Variants in ATCAY observed in about 807,000 individuals in gnomAD.
ATCAY encodes the protein caytaxin.
In ATCAY, 22 loss-of-function variants were observed where a neutral mutation model predicts 47.7. The ratio of observed to expected loss-of-function variants is 0.46; its 90% CI spans 0.33 to 0.66. ATCAY has a LOEUF of 0.66. Ranked by LOEUF, ATCAY falls within the 30% of genes least tolerant of loss-of-function variation. The pLI, the probability that ATCAY is intolerant of heterozygous loss-of-function variation, is 0.02. For missense variants in ATCAY, 452 were observed against 515.0 expected (o/e 0.88, Z 1.18); for synonymous variants, 216 against 207.6 (o/e 1.04, Z -0.35).
At chr19:3,897,780 C>T (rs2038782329) in intron 2 of ATCAY, among the ~76,000 whole-genome samples, 1 of 151,958 alleles carries the variant, frequency 6.6e-6, no homozygotes, top group African/African-American at 2.4e-5. Flanking sequence ...TGGTGGTGGG[C>T]GCCTATAATC....
chr19:3,891,653 A>G (rs2145226680), intron 2 of ATCAY, among the ~76,000 whole-genome samples: 1 of 151,546 alleles, frequency 6.6e-6, no homozygotes, highest in Non-Finnish European at 1.5e-5. Context: ...AGAGGGCAGC[A>G]TGTGCAAAGG....
intron 1 of ATCAY, among the ~76,000 whole-genome samples, chr19:3,885,440 G>A (rs1013586551): frequency 3.9e-4 from 60 of 152,144 alleles, no homozygotes; most frequent in African/African-American, 1.4e-3. Context: ...TGTAACCCCA[G>A]CTACTTGGGA....
At chr19:3,885,523 C>T (rs1426383025) in intron 1 of ATCAY, among the ~76,000 whole-genome samples, 1 of 150,652 alleles carries the variant, frequency 6.6e-6, no homozygotes, top group Non-Finnish European at 1.5e-5. Flanking sequence ...CATTGCACTA[C>T]AGCCTGGGCA....
In ATCAY at chr19:3,905,496, G is replaced by C. The variant is rs1568448398; in HGVS notation, c.199G>C (p.Glu67Gln). The C allele has an allele frequency of 1.2e-6, 2 of 1,613,984 alleles. No homozygotes were observed. The highest frequency in any genetic ancestry group is 1.7e-5 in the Admixed American group (1 of 59,996). Residue 67 changes from glutamate (E) to glutamine (Q), a missense_variant, in exon 4 of 13, where the codon GAG becomes CAG. Glu to Gln is a conservative substitution (Grantham distance 29, BLOSUM62 2). Transcript: ENST00000450849. ...HRKRKTLVAP[E>Q]INISLDQSEG... ...TAAGAGGAAGACGCTGGTGGCCCCA[G>C]AGATCAACATTTCTCTGGATCAGAG...
chr19:3,887,633 C>T (rs1212876448), intron 2 of ATCAY, among the ~76,000 whole-genome samples: 4 of 150,694 alleles, frequency 2.7e-5, no homozygotes, highest in African/African-American at 7.3e-5. Flanking sequence ...ACTACGGGCA[C>T]CCGCCACCAC....
intron 12 of ATCAY, among the ~76,000 whole-genome samples, chr19:3,922,530 A>G (rs962169075): frequency 6.6e-6 from 1 of 152,160 alleles, no homozygotes; most frequent in Non-Finnish European, 1.5e-5. Context: ...AAGTGGGGTT[A>G]TGGGAACTAC....
At chr19:3,898,138 A>G (rs905618554) in intron 2 of ATCAY, among the ~76,000 whole-genome samples, 1 of 152,002 alleles carries the variant, frequency 6.6e-6, no homozygotes, top group Non-Finnish European at 1.5e-5. Context: ...GTGACCACAC[A>G]TCTACTTCCT....
rs764628915 is a variant in ATCAY, at chr19:3,913,752, C to A, written c.867-6C>A. On this transcript the variant is annotated splice_polypyrimidine_tract_variant and splice_region_variant and intron_variant, in intron 8 of 12. Transcript: ENST00000450849. Reference sequence around the variant, plus strand: ...TCAGACCTCTCCCTCCTTCTCCCCCCGCCAGCGTCAAGTTCATCAACAAGA... The same window carrying A: ...TCAGACCTCTCCCTCCTTCTCCCCCAGCCAGCGTCAAGTTCATCAACAAGA... The A allele has an allele frequency of 6.2e-7, 1 of 1,613,202 alleles. No individual in the cohort carries two copies. The highest frequency in any genetic ancestry group is 8.5e-7 in the Non-Finnish European group (1 of 1,179,476).
Position 3,885,913 on chromosome 19 carries a change from C to T in ATCAY, c.77+69C>T, listed in dbSNP as rs1342894106. 13 of 1,486,350 alleles carry T rather than the reference C, an allele frequency of 8.7e-6. No homozygotes were observed. The East Asian group carries it at 9.9e-5, about 11-fold the overall frequency. 92.1% of individuals were successfully genotyped at this position (1,486,350 alleles called of 1,614,324 possible). ...GTCTCTCCCAGGTGGGACACAGGAG[C>T]GGCCCGGGTCTCTCTCTAAGTGGGA... On this transcript the variant is annotated intron_variant, in intron 2 of 12. Coordinates refer to ENST00000450849, the MANE Select transcript of ATCAY (RefSeq NM_033064.5).
intron 9 of ATCAY, among the ~76,000 whole-genome samples, chr19:3,916,619 G>A (rs890753766): frequency 5.3e-5 from 8 of 151,872 alleles, no homozygotes; most frequent in Admixed American, 2.6e-4. Context: ...TCAGCCTCCC[G>A]AGTAGCTGGG....
At chr19:3,889,949 C>CT (rs911051026) in intron 2 of ATCAY, among the ~76,000 whole-genome samples, 342 of 144,384 alleles carry the variant, frequency 2.4e-3, no homozygotes, top group African/African-American at 3.5e-3. Context: ...CTTTTCTTTT[C>CT]TTTTTTTTTT....
chr19:3,909,259 A>C (rs1257816012), intron 6 of ATCAY, among the ~76,000 whole-genome samples: 2 of 149,626 alleles, frequency 1.3e-5, no homozygotes, highest in African/African-American at 4.9e-5. Flanking sequence ...CGACTCAATA[A>C]AAGAGTAACT....
rs73530352 is a variant in ATCAY at position 3,922,374 on chromosome 19, A to G, written c.1106+1576A>G. Among the ~76,000 whole-genome samples, 600 of 152,336 alleles carry G rather than the reference A, an allele frequency of 3.9e-3. 4 individuals carry two copies. Among genetic ancestry groups the G allele is most frequent in the African/African-American group, 0.013 (560 of 41,576 alleles). On this transcript the variant is annotated intron_variant, in intron 12 of 12. Coordinates refer to ENST00000450849, the MANE Select transcript of ATCAY (RefSeq NM_033064.5). ...TCCTGGCGGAAGCCACCTCTTCACC[A>G]GGCAGCAGGAGCGAGAAGTGCTGAG...
At chr19:3,890,559 G>T (rs1568444325) in intron 2 of ATCAY, among the ~76,000 whole-genome samples, 1 of 151,972 alleles carries the variant, frequency 6.6e-6, no homozygotes, top group Non-Finnish European at 1.5e-5. Flanking sequence ...CACCACACCC[G>T]GCCTCCACCG....
In ATCAY at chr19:3,924,595, C is replaced by A; in HGVS notation, c.*3C>A. On this transcript the variant is annotated 3_prime_UTR_variant, in exon 13 of 13. Transcript: ENST00000450849. ...TTTCCCTCCCTAGCATGTCCTGAGG[C>A]GACGTGAGCATAACAAAGGACATGG... 1 of 1,613,646 alleles carries A rather than the reference C, an allele frequency of 6.2e-7. No homozygotes were observed. The highest frequency in any genetic ancestry group is 8.5e-7 in the Non-Finnish European group (1 of 1,179,766).
Position 3,880,699 on chromosome 19 carries a change from A to G in ATCAY, c.-351A>G, listed in dbSNP as rs2038589591. On this transcript the variant is annotated 5_prime_UTR_variant, in exon 1 of 13. Coordinates refer to ENST00000450849, the MANE Select transcript of ATCAY (RefSeq NM_033064.5). ...GGAAGCCGAGCCTCTGCCAGCCCTG[A>G]GCTGGGAAGAAGCAGCTACCTCGGA... The G allele has an allele frequency of 6.6e-6, 1 of 151,636 alleles. No homozygotes were observed. Among genetic ancestry groups the G allele is most frequent in the Admixed American group, 6.6e-5 (1 of 15,166 alleles). The allele number at this position is 151,636 out of a possible 1,614,324, so 9.4% of individuals were successfully genotyped here.
chr19:3,897,382 C>T (rs899151887), intron 2 of ATCAY, among the ~76,000 whole-genome samples: 1 of 151,728 alleles, frequency 6.6e-6, no homozygotes, highest in Admixed American at 6.6e-5. Context: ...TCACTGCAGC[C>T]TTGACCTCCT....
chr19:3,899,377 G>A (rs915061852), intron 2 of ATCAY, among the ~76,000 whole-genome samples: 1 of 140,830 alleles, frequency 7.1e-6, no homozygotes, highest in African/African-American at 2.7e-5. Flanking sequence ...GCAATGGCAC[G>A]ATCTCGGCTC....
intron 7 of ATCAY, among the ~76,000 whole-genome samples, 191 bp downstream of exon 7, chr19:3,909,808 G>C (rs2038907838): frequency 6.6e-6 from 1 of 152,050 alleles, no homozygotes; most frequent in South Asian, 2.1e-4. Context: ...TTTTAGGCCG[G>C]GCAAGGGGGC....
Sources: allele counts gnomAD v4.1 joint callset (sites outside exome capture counted in the v4.1 genomes callset), GRCh38; gene constraint gnomAD v4.1.1; transcripts MANE v1.5; gene names NCBI Gene and HGNC (gene_info 2026-07-23, HGNC 2026-07-21).